Variants in LEUTX observed in about 807,000 individuals in gnomAD.
The protein encoded by LEUTX is paired-like homeodomain transcription factor LEUTX.
LEUTX carries 5 observed loss-of-function variants against 4.5 expected under a neutral mutation model. The observed-to-expected ratio is 1.11, with a 90% CI of 0.58 to 2.34. The LOEUF (loss-of-function observed/expected upper bound fraction) is 2.34. Ranked by LOEUF, LEUTX falls within the 30% of genes most tolerant of loss-of-function variation. The pLI is 0.01. For synonymous variants in LEUTX, 89 were observed against 85.1 expected (o/e 1.05, Z -0.25); for missense variants, 233 against 239.4 (o/e 0.97, Z 0.18).
Position 39,785,896 on chromosome 19 carries a change from G to A in LEUTX, c.358G>A (p.Gly120Ser). 1.3e-6 allele frequency: 2 copies of A among 1,551,772 alleles called. No individual in the cohort carries two copies. The highest frequency in any genetic ancestry group is 1.7e-6 in the Non-Finnish European group (2 of 1,147,020). The change falls in exon 3 of 3, where the codon GGT becomes AGT. Residue 120 changes from glycine to serine, a missense_variant. Physicochemically the swap from Gly to Ser is moderately conservative, Grantham distance 56. Coordinates refer to ENST00000638280, the MANE Select transcript of LEUTX (RefSeq NM_001382345.1). Reference protein sequence around the residue: ...ANDHDLREPSGIKNPGGASAS... With the variant: ...ANDHDLREPSSIKNPGGASAS... ...TGACCATGATCTACGTGAGCCTTCT[G>A]GTATCAAGAATCCTGGAGGAGCCAG...
chr19:39,779,932 T>C (rs1967859960), intron 1 of LEUTX, among the ~76,000 whole-genome samples: 1 of 152,180 alleles, frequency 6.6e-6, no homozygotes. Context: ...AAGAATTGCT[T>C]GAACCTGGGA....
At chr19:39,781,096 TTCTC>T (rs1404799134) in intron 1 of LEUTX, among the ~76,000 whole-genome samples, 3 of 152,118 alleles carry the variant, frequency 2.0e-5, no homozygotes, top group African/African-American at 7.2e-5. Context: ...TTTTCTCTCT[TTCTC>T]TCTGTCTCTC....
At position 39,785,927 on chromosome 19, in the gene LEUTX, C is replaced by T. The variant is rs1276027256; in HGVS notation, c.389C>T (p.Ser130Phe). The change falls in exon 3 of 3, where the codon TCT becomes TTT. Residue 130 changes from serine to phenylalanine, a missense_variant. Transcript: ENST00000638280. ...AAGAATCCTGGAGGAGCCAGCGCCT[C>T]TGCGAGGGTTTCATCCTGGGATTCT... ...GIKNPGGASASARVSSWDSQS... is the reference protein window; with the variant it reads ...GIKNPGGASAFARVSSWDSQS... 3.2e-6 allele frequency: 5 copies of T among 1,551,798 alleles called. No homozygotes were observed. Among genetic ancestry groups the T allele is most frequent in the Non-Finnish European group, 4.4e-6 (5 of 1,147,014 alleles).
In LEUTX at chr19:39,783,364, T is replaced by TAC. The variant is rs141643356; in HGVS notation, c.8-1144_8-1143dup. On this transcript the variant is annotated intron_variant, in intron 1 of 2. Coordinates refer to ENST00000638280, the MANE Select transcript of LEUTX (RefSeq NM_001382345.1). ...TTATATATATATACATATATATATA[T>TAC]ACACACACACACACACACACCACAG... Among the ~76,000 whole-genome samples the TAC allele has an allele frequency of 3.4e-3, 462 of 134,430 alleles. 3 individuals are homozygous for TAC. Among genetic ancestry groups the TAC allele is most frequent in the African/African-American group, 8.7e-3 (323 of 37,032 alleles). 88.2% of individuals were successfully genotyped at this position (134,430 alleles called of 152,430 possible).
At chr19:39,778,735 T>A (rs1332050843), upstream of LEUTX, 1 of 151,226 alleles carries the variant, frequency 6.6e-6, no homozygotes, top group East Asian at 1.9e-4. Flanking sequence ...ATATAATAGG[T>A]TCTAAATAAA....
At chr19:39,776,496 C>A, upstream of LEUTX, 1 of 420,950 alleles carries the variant, frequency 2.4e-6, no homozygotes, top group South Asian at 1.7e-5. Context: ...TGGCCTGGGG[C>A]GTATGAGAGA....
intron 1 of LEUTX, among the ~76,000 whole-genome samples, chr19:39,779,576 T>C (rs986855907): frequency 2.0e-5 from 3 of 152,256 alleles, no homozygotes; most frequent in Non-Finnish European, 4.4e-5. Flanking sequence ...TTATCTCTTA[T>C]ATGTGTTGCA....
chr19:39,785,695 T>C lies in LEUTX; in HGVS notation c.160-3T>C. On this transcript the variant is annotated splice_region_variant and splice_polypyrimidine_tract_variant and intron_variant, in intron 2 of 2. Coordinates refer to ENST00000638280, the MANE Select transcript of LEUTX (RefSeq NM_001382345.1). ...ATTAACCTCCCCCCTCCTCCCTCCT[T>C]AGATCTGGTTCAAGAACCAGCGTGC... The C allele has an allele frequency of 6.4e-7, 1 of 1,551,094 alleles. No homozygotes were observed.
chr19:39,781,710 C>T (rs1568514759), intron 1 of LEUTX, among the ~76,000 whole-genome samples: 1 of 152,172 alleles, frequency 6.6e-6, no homozygotes, highest in Non-Finnish European at 1.5e-5. Context: ...TCCTAAGGCC[C>T]TCACCAGAAG....
At chr19:39,783,352 C>CAT (rs200989568) in intron 1 of LEUTX, among the ~76,000 whole-genome samples, 23 of 107,774 alleles carry the variant, frequency 2.1e-4, no homozygotes, top group Admixed American at 7.5e-4. Flanking sequence ...TATATATATA[C>CAT]ATATATATAT....
chr19:39,781,204 T>A (rs1297443733), intron 1 of LEUTX, among the ~76,000 whole-genome samples: 1 of 152,222 alleles, frequency 6.6e-6, no homozygotes, highest in Non-Finnish European at 1.5e-5. Context: ...AAACAAATGC[T>A]GAGACACTAA....
At chr19:39,780,576 T>C (rs1338385518) in intron 1 of LEUTX, among the ~76,000 whole-genome samples, 1 of 152,202 alleles carries the variant, frequency 6.6e-6, no homozygotes, top group African/African-American at 2.4e-5. Flanking sequence ...TTTAGTCACA[T>C]AAATATTGCT....
intron 1 of LEUTX, among the ~76,000 whole-genome samples, chr19:39,782,217 T>G (rs528465985): frequency 6.6e-6 from 1 of 152,268 alleles, no homozygotes; most frequent in East Asian, 1.9e-4. Context: ...CTATTCTATC[T>G]CAATAAGGAC....
At chr19:39,779,029 G>A (rs1967843511) in intron 1 of LEUTX, 102 bp downstream of exon 1, 2 of 151,958 alleles carry the variant, frequency 1.3e-5, no homozygotes, top group African/African-American at 2.4e-5. Flanking sequence ...GAAACCACTG[G>A]GTAAATTTAG....
intron 1 of LEUTX, among the ~76,000 whole-genome samples, chr19:39,782,941 T>A (rs1453907043): frequency 1.3e-5 from 2 of 152,110 alleles, no homozygotes; most frequent in Admixed American, 6.6e-5. Flanking sequence ...ATGAGTAAGT[T>A]CTTTAGTGGT....
intron 2 of LEUTX, among the ~76,000 whole-genome samples, chr19:39,785,111 G>A (rs1345208580): frequency 2.0e-5 from 3 of 152,088 alleles, no homozygotes; most frequent in Admixed American, 6.6e-5. Flanking sequence ...GATGACCCAA[G>A]CTAAACTCTC....
intron 1 of LEUTX, among the ~76,000 whole-genome samples, chr19:39,780,566 T>C (rs1967870603): frequency 6.6e-6 from 1 of 152,196 alleles, no homozygotes; most frequent in South Asian, 2.1e-4. Context: ...CAGAGATATT[T>C]TTAGTCACAT....
In LEUTX at chr19:39,785,710, A is replaced by G. The variant is rs2144961005; in HGVS notation, c.172A>G (p.Asn58Asp). 6.4e-7 allele frequency: 1 copy of G among 1,551,864 alleles called. No homozygotes were observed. Among genetic ancestry groups the G allele is most frequent in the Non-Finnish European group, 8.7e-7 (1 of 1,146,962 alleles). ...CCTCCCTCCTTAGATCTGGTTCAAG[A>G]ACCAGCGTGCCAAATGGAAGAGGCA... ...DLSVVKIWFK[N>D]QRAKWKRQQR... The change falls in exon 3 of 3, where the codon AAC becomes GAC. Residue 58 changes from asparagine (N) to aspartate (D), a missense_variant. Physicochemically the swap from Asn to Asp is conservative, Grantham distance 23 (BLOSUM62 1). Coordinates refer to ENST00000638280, the MANE Select transcript of LEUTX (RefSeq NM_001382345.1).
Position 39,786,103 on chromosome 19 carries a change from CT to C in LEUTX, c.567del (p.Glu190SerfsTer25). Reference protein sequence around the residue: ...SLNQYLFPVCLEYDQLQSSV With the variant: ...SLNQYLFPVCXEYDQLQSSV ...AAATCAATATCTTTTTCCAGTATGC[CT>C]TGAGTATGACCAGCTCCAATCTTCA... is the stretch of plus-strand genomic sequence containing the variant. On this transcript the variant is annotated frameshift_variant, in exon 3 of 3. Coordinates refer to ENST00000638280, the MANE Select transcript of LEUTX (RefSeq NM_001382345.1). LOFTEE classifies it low-confidence loss of function (END_TRUNC). 1 of 1,543,900 alleles carries C rather than the reference CT, an allele frequency of 6.5e-7. No individual in the cohort carries two copies. The highest frequency in any genetic ancestry group is 8.7e-7 in the Non-Finnish European group (1 of 1,143,368).
Sources: allele counts gnomAD v4.1 joint callset (sites outside exome capture counted in the v4.1 genomes callset), GRCh38; gene constraint gnomAD v4.1.1; transcripts MANE v1.5; gene names NCBI Gene and HGNC (gene_info 2026-07-23, HGNC 2026-07-21).